Variants in FBXO34 observed in about 807,000 individuals in gnomAD.
FBXO34 encodes F-box protein 34, also known as F-box only protein 34.
In FBXO34, 12 loss-of-function variants were observed where a neutral mutation model predicts 24.5. The observed-to-expected ratio is 0.49, with a 90% CI of 0.31 to 0.79. The LOEUF (loss-of-function observed/expected upper bound fraction) is 0.79. FBXO34 is among the 30% of genes least tolerant of loss of function. The probability of loss-of-function intolerance (pLI) is 0.04; values close to 1 mark genes in which losing one functional copy is unlikely to be tolerated. For synonymous variants in FBXO34, 320 were observed against 311.9 expected (o/e 1.03, Z -0.27); for missense variants, 823 against 857.7 (o/e 0.96, Z 0.51).
At chr14:55,397,828 A>G in the FBXO34 span, among the ~76,000 whole-genome samples, 1 of 152,156 alleles carries the variant, frequency 6.6e-6, no homozygotes, top group Non-Finnish European at 1.5e-5. Context: ...GATTCCTTAT[A>G]ATAAATTTTT....
the FBXO34 span, chr14:55,424,122 T>G: frequency 6.8e-7 from 1 of 1,465,548 alleles, no homozygotes; most frequent in Non-Finnish European, 9.5e-7. Context: ...GCATAGCAAT[T>G]ACATTTTATG....
chr14:55,380,803 G>C, the FBXO34 span: 1 of 516,568 alleles, frequency 1.9e-6, no homozygotes, highest in Admixed American at 3.4e-5. Flanking sequence ...ACGTTTTAGT[G>C]CTTCCTTAAT....
At chr14:55,436,085 G>A in the FBXO34 span, 1 of 500,698 alleles carries the variant, frequency 2.0e-6, no homozygotes, top group Non-Finnish European at 3.4e-6. Flanking sequence ...ATGATTCCTA[G>A]TTAAGTGTAA....
At chr14:55,301,764 A>G (rs1261859910) in intron 1 of FBXO34, among the ~76,000 whole-genome samples, 4 of 152,224 alleles carry the variant, frequency 2.6e-5, no homozygotes, top group Non-Finnish European at 5.9e-5. Context: ...ATCAAGAACA[A>G]GTCTGTCAGA....
chr14:55,410,319 T>C, the FBXO34 span, among the ~76,000 whole-genome samples: 1 of 152,202 alleles, frequency 6.6e-6, no homozygotes, highest in East Asian at 1.9e-4. Context: ...ATTTAAATTA[T>C]GTGAATAGAC....
intron 1 of FBXO34, among the ~76,000 whole-genome samples, chr14:55,334,360 A>G (rs904122088): frequency 6.6e-6 from 1 of 152,212 alleles, no homozygotes; most frequent in Non-Finnish European, 1.5e-5. Flanking sequence ...GAGTACTTAC[A>G]TGTACAGGGC....
In FBXO34 at chr14:55,278,032, C is replaced by T. The variant is rs146550878; in HGVS notation, c.-11+6495C>T. Among the ~76,000 whole-genome samples the T allele has an allele frequency of 3.6e-4, 55 of 152,122 alleles. 2 individuals carry two copies. The East Asian group carries it at 7.9e-3, about 22-fold the overall frequency. On this transcript the variant is annotated intron_variant, in intron 1 of 1. Coordinates refer to ENST00000313833, the MANE Select transcript of FBXO34 (RefSeq NM_017943.4). ...TGCCTGCCAAGGGGGCTACTGCCAC[C>T]GCAGCACCGAGAACCATGTCGTTGA...
At chr14:55,412,372 G>A in the FBXO34 span, among the ~76,000 whole-genome samples, 1 of 152,138 alleles carries the variant, frequency 6.6e-6, no homozygotes, top group Admixed American at 6.5e-5. Flanking sequence ...ATGCCGTGAG[G>A]ATTAATATGG....
chr14:55,401,625 C>T, the FBXO34 span, among the ~76,000 whole-genome samples: 2 of 152,144 alleles, frequency 1.3e-5, no homozygotes, highest in Admixed American at 1.3e-4. Context: ...TTCATAAATT[C>T]TTCCATACTT....
chr14:55,440,452 A>C, the FBXO34 span: 1 of 1,610,786 alleles, frequency 6.2e-7, no homozygotes, highest in Non-Finnish European at 8.5e-7. Context: ...TGCTCCATGG[A>C]CCGTAATCCC....
intron 1 of FBXO34, among the ~76,000 whole-genome samples, chr14:55,296,110 C>G (rs1165502060): frequency 6.6e-6 from 1 of 152,052 alleles, no homozygotes; most frequent in African/African-American, 2.4e-5. Flanking sequence ...GCAAGTCCCC[C>G]CCTTTTTTTT....
chr14:55,363,795 A>G (rs929447021), downstream of FBXO34, among the ~76,000 whole-genome samples: 1 of 152,038 alleles, frequency 6.6e-6, no homozygotes, highest in East Asian at 1.9e-4. Context: ...AATGTGTTTT[A>G]TGTGTGGCCC....
the FBXO34 span, among the ~76,000 whole-genome samples, chr14:55,406,476 G>A: frequency 1.3e-5 from 2 of 152,198 alleles, no homozygotes; most frequent in Admixed American, 1.3e-4. Flanking sequence ...AAATTATGAA[G>A]ATAGAATATC....
chr14:55,319,103 A>G (rs1033713986), intron 1 of FBXO34, among the ~76,000 whole-genome samples: 1 of 152,206 alleles, frequency 6.6e-6, no homozygotes, highest in Non-Finnish European at 1.5e-5. Flanking sequence ...TATTATTCCT[A>G]TGGATTAAGA....
intron 1 of FBXO34, among the ~76,000 whole-genome samples, chr14:55,346,075 T>TA (rs1048053972): frequency 5.3e-5 from 8 of 152,176 alleles, no homozygotes; most frequent in South Asian, 2.1e-4. Context: ...GAGGTTAGTA[T>TA]AAAAAATCTG....
chr14:55,352,394 C>G lies in FBXO34; in HGVS notation c.2004C>G (p.Cys668Trp). 1 of 1,614,230 alleles carries G rather than the reference C, an allele frequency of 6.2e-7. No homozygotes were observed. Among genetic ancestry groups the G allele is most frequent in the Non-Finnish European group, 8.5e-7 (1 of 1,180,036 alleles). ...LPYGPGYWMC[C>W]HRSQKGFPGC... ...ATGGGCCAGGGTATTGGATGTGCTG[C>G]CACCGGTCTCAGAAAGGATTCCCTG... The change falls in exon 2 of 2, where the codon TGC becomes TGG. Residue 668 changes from cysteine to tryptophan, a missense_variant. This residue lies in a region of FBXO34 where 130 missense variants were observed against 198.6 expected (regional missense o/e 0.65). Coordinates refer to ENST00000313833, the MANE Select transcript of FBXO34 (RefSeq NM_017943.4).
intron 1 of FBXO34, among the ~76,000 whole-genome samples, chr14:55,294,031 C>T (rs985549841): frequency 6.6e-6 from 1 of 152,154 alleles, no homozygotes; most frequent in African/African-American, 2.4e-5. Flanking sequence ...GATAAATCTT[C>T]ATTCCTTACC....
At chr14:55,380,849 T>TTG in the FBXO34 span, among the ~76,000 whole-genome samples, 18 of 131,408 alleles carry the variant, frequency 1.4e-4, no homozygotes, top group South Asian at 2.4e-4. Flanking sequence ...GGTCCATTCT[T>TTG]TGTGTGTATA....
the FBXO34 span, chr14:55,414,500 C>T: frequency 1.5e-6 from 2 of 1,371,658 alleles, no homozygotes; most frequent in South Asian, 1.4e-5. Flanking sequence ...ATAAAAATAC[C>T]AACATTTACT....
Sources: gnomAD v4.1 joint callset for allele counts (sites outside exome capture counted in the v4.1 genomes callset) on GRCh38, gnomAD v4.1.1 for gene constraint, gnomAD v4.1.1 regional missense constraint, MANE v1.5 for transcripts, NCBI Gene and HGNC (gene_info 2026-07-23, HGNC 2026-07-21) for gene names.